KRAS: variants seen among roughly 807,000 people sequenced by gnomAD.
KRAS encodes the protein KRas proto-oncogene, GTPase, also known as GTPase KRas.
A neutral mutation model predicts 21.0 loss-of-function variants in KRAS; 1 was observed. The observed-to-expected ratio is 0.05, with a 90% CI of 0.02 to 0.23. The LOEUF (loss-of-function observed/expected upper bound fraction) is 0.23. KRAS is among the 10% of genes least tolerant of loss of function. The probability of loss-of-function intolerance (pLI) is 1.00; values close to 1 mark genes in which losing one functional copy is unlikely to be tolerated. For missense variants in KRAS, 107 were observed against 221.8 expected, an observed-to-expected ratio of 0.48 and a Z score of 3.29; for synonymous variants, 67 against 72.5, an observed-to-expected ratio of 0.92 and a Z score of 0.39.
rs559945563 is a variant in KRAS, at chr12:25,231,290, T to C, written c.112-3878A>G. On this transcript the variant is annotated intron_variant, in intron 2 of 4. Transcript: ENST00000311936. ...CTAATTTTTGTATTTTTAGTACAGATTGGCCAGGCTGGTCTTCAACTCCTG... is the reference window on the plus strand; with the variant it reads ...CTAATTTTTGTATTTTTAGTACAGACTGGCCAGGCTGGTCTTCAACTCCTG... 2.0e-4 allele frequency among the ~76,000 whole-genome samples: 31 copies of C among 151,992 alleles called. No homozygotes were observed. In the South Asian group the frequency reaches 6.2e-3, roughly 31 times the overall value.
intron 4 of KRAS, among the ~76,000 whole-genome samples, chr12:25,218,860 A>G (rs182091227): frequency 6.6e-6 from 1 of 152,288 alleles, no homozygotes; most frequent in East Asian, 1.9e-4. Flanking sequence ...ACTAGCACAC[A>G]ATAATTTTTT....
At chr12:25,227,689 CA>C (rs1487741673) in intron 2 of KRAS, among the ~76,000 whole-genome samples, 1 of 151,908 alleles carries the variant, frequency 6.6e-6, no homozygotes, top group Non-Finnish European at 1.5e-5. Flanking sequence ...CAAAAAAACT[CA>C]AAAAATGGAA....
intron 2 of KRAS, among the ~76,000 whole-genome samples, chr12:25,238,021 A>C (rs1951564587): frequency 6.6e-6 from 1 of 152,210 alleles, no homozygotes; most frequent in South Asian, 2.1e-4. Flanking sequence ...TTGATTAGGG[A>C]GTGAAGATGT....
At chr12:25,219,555 C>G (rs1181278133) in intron 4 of KRAS, among the ~76,000 whole-genome samples, 1 of 152,162 alleles carries the variant, frequency 6.6e-6, no homozygotes, top group Non-Finnish European at 1.5e-5. Context: ...AAAACTCTGT[C>G]AAGGAAGCAA....
In KRAS at chr12:25,208,784, A is replaced by C. The variant is rs1303546472; in HGVS notation, c.*1011T>G. ...ACTCTCTATGAAAGCTCAAAGGTTC[A>C]CACAGGGCCTGGCCTTGCAACCTTG... On this transcript the variant is annotated 3_prime_UTR_variant, in exon 5 of 5. Coordinates refer to ENST00000311936, the MANE Select transcript of KRAS (RefSeq NM_004985.5). 8 of 233,360 alleles carry C rather than the reference A, an allele frequency of 3.4e-5. No homozygotes were observed. The Admixed American group carries it at 4.5e-4, about 13-fold the overall frequency. 14.5% of individuals were successfully genotyped at this position (233,360 alleles called of 1,614,324 possible). A position where few individuals can be genotyped will look rare whatever the true frequency, so the allele number is the denominator to read the frequency against.
At chr12:25,234,840 T>C (rs1241039409) in intron 2 of KRAS, 2 of 212,356 alleles carry the variant, frequency 9.4e-6, no homozygotes, top group Non-Finnish European at 1.9e-5. Flanking sequence ...GCAGTGACTC[T>C]GACACAGAGA....
intron 2 of KRAS, among the ~76,000 whole-genome samples, chr12:25,241,163 T>C (rs893004584): frequency 1.3e-5 from 2 of 152,226 alleles, no homozygotes; most frequent in African/African-American, 4.8e-5. Flanking sequence ...TTCACTATAC[T>C]CACCTACTTA....
At chr12:25,212,903 T>C (rs1592796246) in intron 4 of KRAS, among the ~76,000 whole-genome samples, 1 of 152,034 alleles carries the variant, frequency 6.6e-6, no homozygotes, top group African/African-American at 2.4e-5. Context: ...TTTTTTTATT[T>C]TTACTTTTTT....
chr12:25,232,753 ATAT>A (rs1951491016), intron 2 of KRAS, among the ~76,000 whole-genome samples: 2 of 152,164 alleles, frequency 1.3e-5, no homozygotes, highest in South Asian at 2.1e-4. Flanking sequence ...CCCAGCTAAA[ATAT>A]TATTTTTTCC....
intron 1 of KRAS, among the ~76,000 whole-genome samples, chr12:25,248,942 T>C (rs61759623): frequency 0.022 from 3,402 of 152,364 alleles, 48 homozygotes; most frequent in Non-Finnish European, 0.032. Flanking sequence ...GTCAGCATTT[T>C]GGACCTCAGT....
Position 25,227,420 on chromosome 12 carries a change from G to A in KRAS, c.112-8C>T, listed in dbSNP as rs1442994350. On this transcript the variant is annotated splice_region_variant and splice_polypyrimidine_tract_variant and intron_variant, in intron 2 of 4. Transcript: ENST00000311936. ...TTGCTTCCTGTAGGAATCCTGAGAAGGGAGAAACACAGTCTGGATTATTAC... is the reference window on the plus strand; with the variant it reads ...TTGCTTCCTGTAGGAATCCTGAGAAAGGAGAAACACAGTCTGGATTATTAC... 6.2e-7 allele frequency: 1 copy of A among 1,613,476 alleles called. No homozygotes were observed. The highest frequency in any genetic ancestry group is 2.2e-5 in the East Asian group (1 of 44,840).
chr12:25,225,414 A>C, intron 4 of KRAS, 200 bp downstream of exon 4: 1 of 480,950 alleles, frequency 2.1e-6, no homozygotes, highest in Non-Finnish European at 3.7e-6. Context: ...GAAATTTTCA[A>C]TGTAGAAAGA....
intron 4 of KRAS, among the ~76,000 whole-genome samples, chr12:25,223,256 T>C (rs762337190): frequency 6.6e-6 from 1 of 152,182 alleles, no homozygotes; most frequent in Non-Finnish European, 1.5e-5. Flanking sequence ...ATCTAGGTAG[T>C]ATATTTGCAA....
chr12:25,210,447 TCAA>T (rs1414057404), intron 4 of KRAS, among the ~76,000 whole-genome samples: 3 of 152,136 alleles, frequency 2.0e-5, no homozygotes, highest in Non-Finnish European at 4.4e-5. Context: ...CAATAATTTA[TCAA>T]CAAGTAAACA....
At chr12:25,235,329 A>G (rs975222824) in intron 2 of KRAS, 3 of 430,822 alleles carry the variant, frequency 7.0e-6, no homozygotes, top group African/African-American at 3.9e-5. Context: ...TGTGTTCCGC[A>G]CTTTCCGTTT....
intron 4 of KRAS, chr12:25,215,509 A>G (rs1388539722): frequency 6.2e-7 from 1 of 1,612,206 alleles, no homozygotes; most frequent in Non-Finnish European, 8.5e-7. Flanking sequence ...ATTTTTTTCA[A>G]TCTGTATTGT....
At chr12:25,235,250 T>C (rs1444184209) in intron 2 of KRAS, 3 of 558,220 alleles carry the variant, frequency 5.4e-6, no homozygotes, top group Admixed American at 2.3e-5. Context: ...TGAGAAACTT[T>C]TACTCAATTA....
At chr12:25,240,029 C>T (rs1045650850) in intron 2 of KRAS, among the ~76,000 whole-genome samples, 1 of 151,936 alleles carries the variant, frequency 6.6e-6, no homozygotes, top group African/African-American at 2.4e-5. Flanking sequence ...CACTACCTAC[C>T]TTACTTTTTT....
intron 2 of KRAS, among the ~76,000 whole-genome samples, chr12:25,242,191 G>A (rs1051802540): frequency 6.6e-6 from 1 of 152,046 alleles, no homozygotes; most frequent in African/African-American, 2.4e-5. Context: ...TGAATTATAA[G>A]TGCCACAATA....
Sources: gnomAD v4.1 joint callset for allele counts (sites outside exome capture counted in the v4.1 genomes callset) on GRCh38, gnomAD v4.1.1 for gene constraint, MANE v1.5 for transcripts, NCBI Gene and HGNC (gene_info 2026-07-23, HGNC 2026-07-21) for gene names.